Variants in PACRG observed in about 807,000 individuals in gnomAD.
The protein encoded by PACRG is parkin coregulated gene protein.
A neutral mutation model predicts 29.7 loss-of-function variants in PACRG; 29 were observed. The observed-to-expected ratio is 0.98, with a 90% CI of 0.73 to 1.33. PACRG has a LOEUF of 1.33. Ranked by LOEUF, PACRG falls within the 40% of genes most tolerant of loss-of-function variation. The pLI is 0.00. For synonymous variants in PACRG, 116 were observed against 118.7 expected (o/e 0.98, Z 0.15); for missense variants, 279 against 316.2 (o/e 0.88, Z 0.89).
At chr6:162,979,413 G>A (rs1216694452) in intron 2 of PACRG, among the ~76,000 whole-genome samples, 4 of 151,998 alleles carry the variant, frequency 2.6e-5, no homozygotes, top group African/African-American at 4.8e-5. Flanking sequence ...TTTATATTCT[G>A]GATATTAACT....
intron 4 of PACRG, among the ~76,000 whole-genome samples, chr6:163,283,337 T>C (rs1426485942): frequency 6.6e-6 from 1 of 152,216 alleles, no homozygotes; most frequent in African/African-American, 2.4e-5. Flanking sequence ...AATGAAGGAA[T>C]CAGTCCTTCT....
intron 3 of PACRG, among the ~76,000 whole-genome samples, chr6:163,062,925 T>C (rs1361267951): frequency 1.3e-5 from 2 of 152,158 alleles, no homozygotes; most frequent in African/African-American, 4.8e-5. Flanking sequence ...TCTAAGAACC[T>C]GAGGTTGTCC....
At chr6:162,965,943 A>G (rs1800985207) in intron 2 of PACRG, among the ~76,000 whole-genome samples, 1 of 152,220 alleles carries the variant, frequency 6.6e-6, no homozygotes, top group Non-Finnish European at 1.5e-5. Flanking sequence ...GGGAGACGAA[A>G]TGCATCCAAG....
chr6:163,087,728 A>T (rs1192607840), intron 3 of PACRG, among the ~76,000 whole-genome samples: 2 of 141,944 alleles, frequency 1.4e-5, no homozygotes, highest in East Asian at 2.2e-4. Context: ...TGGAGCAGAG[A>T]GGGTGAGGAT....
At chr6:162,985,475 T>G (rs952422163) in intron 2 of PACRG, among the ~76,000 whole-genome samples, 2 of 152,110 alleles carry the variant, frequency 1.3e-5, no homozygotes, top group African/African-American at 4.8e-5. Flanking sequence ...TCTCAATAGA[T>G]GCAGAAAAAG....
chr6:162,825,860 A>G (rs2128384327), intron 2 of PACRG, among the ~76,000 whole-genome samples: 1 of 152,274 alleles, frequency 6.6e-6, no homozygotes, highest in East Asian at 1.9e-4. Context: ...TCACTGCTCT[A>G]GATTTGAGTT....
intron 4 of PACRG, among the ~76,000 whole-genome samples, chr6:163,291,185 C>T (rs1331737863): frequency 6.7e-6 from 1 of 149,436 alleles, no homozygotes; most frequent in Non-Finnish European, 1.5e-5. Context: ...CTCTGCCTGC[C>T]CGAGCTGGCC....
At chr6:162,844,458 G>A (rs71567684) in intron 2 of PACRG, among the ~76,000 whole-genome samples, 11,926 of 152,232 alleles carry the variant, frequency 0.078, 773 homozygotes, top group South Asian at 0.24. Context: ...TTCGGCTCGC[G>A]CATGGTGCGC....
intron 1 of PACRG, among the ~76,000 whole-genome samples, chr6:162,778,842 C>A (rs1250773783): frequency 1.3e-5 from 2 of 152,200 alleles, no homozygotes; most frequent in East Asian, 1.9e-4. Flanking sequence ...CGGGGTTGAC[C>A]CCTGAGGTTC....
chr6:163,084,343 CT>C (rs957330860), intron 3 of PACRG, among the ~76,000 whole-genome samples: 1 of 152,126 alleles, frequency 6.6e-6, no homozygotes, highest in African/African-American at 2.4e-5. Flanking sequence ...AAAAAAAAAT[CT>C]TTTTGCTTTA....
At chr6:163,298,521 G>C (rs900047593) in intron 4 of PACRG, among the ~76,000 whole-genome samples, 9 of 152,162 alleles carry the variant, frequency 5.9e-5, no homozygotes, top group African/African-American at 2.2e-4. Flanking sequence ...ATTCTTTGAA[G>C]CAGTAACCTC....
At chr6:162,970,154 T>A (rs542436929) in intron 2 of PACRG, among the ~76,000 whole-genome samples, 1 of 152,250 alleles carries the variant, frequency 6.6e-6, no homozygotes, top group African/African-American at 2.4e-5. Flanking sequence ...TGGGCCTCGG[T>A]TTCTTCACCT....
intron 4 of PACRG, among the ~76,000 whole-genome samples, chr6:163,178,285 C>T (rs994248363): frequency 6.6e-6 from 1 of 152,210 alleles, no homozygotes; most frequent in Non-Finnish European, 1.5e-5. Context: ...ACAAGACTAG[C>T]TCTCAGCCAC....
intron 4 of PACRG, among the ~76,000 whole-genome samples, chr6:163,168,122 C>A (rs1399323253): frequency 6.6e-6 from 1 of 152,136 alleles, no homozygotes; most frequent in Non-Finnish European, 1.5e-5. Flanking sequence ...GGTCAAAGTC[C>A]ACATCATAGA....
At position 162,948,408 on chromosome 6, in the gene PACRG, C is replaced by T. The variant is rs79308812; in HGVS notation, c.292-113742C>T. 7.6e-3 allele frequency among the ~76,000 whole-genome samples: 1,162 copies of T among 152,160 alleles called. 27 individuals carry two copies. Among genetic ancestry groups the T allele is most frequent in the African/African-American group, 0.027 (1,102 of 41,524 alleles). On this transcript the variant is annotated intron_variant, in intron 2 of 4. Transcript: ENST00000366888. ...AAACCAATCCAGAATGAATTGAACA[C>T]TTAAATGTAAGACCTGAAACTAAAA...
At chr6:163,007,604 G>T (rs1023267254) in intron 2 of PACRG, among the ~76,000 whole-genome samples, 2 of 152,152 alleles carry the variant, frequency 1.3e-5, no homozygotes, top group Non-Finnish European at 2.9e-5. Context: ...ACTTTCTCCA[G>T]GCAGTGAGCT....
chr6:163,008,415 CTTG>C (rs1373702158), intron 2 of PACRG, among the ~76,000 whole-genome samples: 2 of 152,010 alleles, frequency 1.3e-5, no homozygotes, highest in Admixed American at 6.6e-5. Flanking sequence ...CATGTGGGAT[CTTG>C]TTGTGACCAG....
chr6:163,025,286 A>G (rs1216012330), intron 2 of PACRG, among the ~76,000 whole-genome samples: 1 of 152,240 alleles, frequency 6.6e-6, no homozygotes, highest in Non-Finnish European at 1.5e-5. Context: ...GAAAAGAAGA[A>G]GTCAAACTAT....
At chr6:162,799,338 C>G (rs1344443146) in intron 1 of PACRG, among the ~76,000 whole-genome samples, 2 of 152,112 alleles carry the variant, frequency 1.3e-5, no homozygotes, top group African/African-American at 2.4e-5. Context: ...ATCTTTTCTC[C>G]TTTTATATTC....
Sources: gnomAD v4.1 joint callset for allele counts (sites outside exome capture counted in the v4.1 genomes callset) on GRCh38, gnomAD v4.1.1 for gene constraint, MANE v1.5 for transcripts, NCBI Gene and HGNC (gene_info 2026-07-23, HGNC 2026-07-21) for gene names.